CELSR1: variants seen among roughly 807,000 people sequenced by gnomAD.
CELSR1 encodes the protein adhesion G protein-coupled receptor C1.
In CELSR1, 110 loss-of-function variants were observed where a neutral mutation model predicts 249.1. The ratio of observed to expected loss-of-function variants is 0.44; its 90% confidence interval spans 0.38 to 0.52. The LOEUF is 0.52. CELSR1 is among the 20% of genes least tolerant of loss of function. The pLI is 0.00. For missense variants in CELSR1, 4,109 were observed against 4,296.4 expected, an observed-to-expected ratio of 0.96 and a Z score of 1.22; for synonymous variants, 2,113 against 1,900.0, an observed-to-expected ratio of 1.11 and a Z score of -2.92.
rs190078008 is a variant in CELSR1, at chr22:46,454,518, G to A, written c.4183+9189C>T. ...AGACTTCGAAGTCACGGGGAACGGC[G>A]TGTGCTTTAAACCACAGCGAGGTTT... On this transcript the variant is annotated intron_variant, in intron 2 of 34. Coordinates refer to ENST00000674500, the MANE Select transcript of CELSR1 (RefSeq NM_001378328.1). The surrounding 1 kb of genome is among the most constrained non-coding windows in gnomAD (Gnocchi z 5.1). Among the ~76,000 whole-genome samples the A allele has an allele frequency of 2.2e-3, 329 of 152,346 alleles. No individual in the cohort carries two copies. Among genetic ancestry groups the A allele is most frequent in the African/African-American group, 7.0e-3 (292 of 41,586 alleles).
chr22:46,432,695 G>T (rs1031304026), intron 5 of CELSR1, among the ~76,000 whole-genome samples: 2 of 152,302 alleles, frequency 1.3e-5, no homozygotes, highest in East Asian at 3.9e-4. Flanking sequence ...GTTCTGGCTC[G>T]CCAGTTACAT....
rs1210571711 is a variant in CELSR1, at chr22:46,440,672, C to T, written c.4184-1261G>A. Among the ~76,000 whole-genome samples the T allele has an allele frequency of 1.3e-5, 2 of 152,140 alleles. No individual in the cohort carries two copies. The highest frequency in any genetic ancestry group is 3.9e-4 in the East Asian group (2 of 5,192). On this transcript the variant is annotated intron_variant, in intron 2 of 34. Coordinates refer to ENST00000674500, the MANE Select transcript of CELSR1 (RefSeq NM_001378328.1). The surrounding 1 kb of genome is among the most constrained non-coding windows in gnomAD (Gnocchi z 4.7). Reference sequence around the variant, plus strand: ...TTTCTGCTGGGTTTTTGGTCCTGCTCTTATTGTGTTATAGAAGCTCCTCGT... The same window carrying T: ...TTTCTGCTGGGTTTTTGGTCCTGCTTTTATTGTGTTATAGAAGCTCCTCGT...
rs6007897 is a variant in CELSR1 at position 46,384,624 on chromosome 22, T to G, written c.6802A>C (p.Thr2268Pro). 1.2e-6 allele frequency: 2 copies of G among 1,613,448 alleles called. 1 individual carries two copies. Among genetic ancestry groups the G allele is most frequent in the Non-Finnish European group, 1.7e-6 (2 of 1,179,798 alleles). ...TCCCTGGGGAACTCTTCATGGATGG[T>G]GTCGAATCGCGGGACCCTGGCTCCC... ...FTGARVPRFD[T>P]IHEEFPRELE... The change falls in exon 20 of 35, where the codon ACC (threonine) becomes CCC (proline). Residue 2268 changes from threonine to proline, a missense_variant. Physicochemically the swap from Thr to Pro is conservative, Grantham distance 38 (BLOSUM62 -1). This residue lies in a region of CELSR1 where 1,805 missense variants were observed against 1,831.6 expected (regional missense o/e 0.99). Coordinates refer to ENST00000674500, the MANE Select transcript of CELSR1 (RefSeq NM_001378328.1).
At chr22:46,387,002 C>T (rs112248019) in intron 18 of CELSR1, among the ~76,000 whole-genome samples, 2 of 152,170 alleles carry the variant, frequency 1.3e-5, no homozygotes, top group African/African-American at 4.8e-5. Flanking sequence ...AGGTGATTCA[C>T]CTGCCTCGGC....
chr22:46,411,652 G>A lies in CELSR1; in HGVS notation c.4719C>T (p.Asp1573=), dbSNP rs1486400874. Residue 1573 remains aspartate, a synonymous_variant, in exon 6 of 35, where the codon GAC becomes GAT. Coordinates refer to ENST00000674500, the MANE Select transcript of CELSR1 (RefSeq NM_001378328.1). The surrounding 1 kb of genome is among the most constrained non-coding windows in gnomAD (Gnocchi z 4.2). ...GGGCAGCGCAGCTGTAGTTCCCGATGTCCTTTCCAAAGCGCACAGCCATGG... is the reference window on the plus strand; with the variant it reads ...GGGCAGCGCAGCTGTAGTTCCCGATATCCTTTCCAAAGCGCACAGCCATGG... ...DTTMAVRFGK[D]IGNYSCAAQG... The A allele has an allele frequency of 1.2e-6, 2 of 1,614,086 alleles. No homozygotes were observed. The highest frequency in any genetic ancestry group is 1.3e-5 in the African/African-American group (1 of 74,946).
intron 1 of CELSR1, among the ~76,000 whole-genome samples, chr22:46,476,331 C>T (rs1278473938): frequency 2.0e-5 from 3 of 152,132 alleles, no homozygotes. Context: ...CGCGGTGGCT[C>T]ATGCCTGTAA....
At chr22:46,478,863 G>A (rs1441811007) in intron 1 of CELSR1, among the ~76,000 whole-genome samples, 4 of 151,722 alleles carry the variant, frequency 2.6e-5, no homozygotes, top group African/African-American at 9.7e-5. Flanking sequence ...AAGATGAGAC[G>A]TCTTAGTAAA....
At chr22:46,492,276 T>C (rs1051548671) in intron 1 of CELSR1, among the ~76,000 whole-genome samples, 1 of 152,204 alleles carries the variant, frequency 6.6e-6, no homozygotes, top group African/African-American at 2.4e-5. Context: ...CCACTTCTCA[T>C]TGTAAAATTC....
intron 2 of CELSR1, among the ~76,000 whole-genome samples, chr22:46,459,316 T>TG (rs1005817799): frequency 3.9e-5 from 6 of 152,142 alleles, no homozygotes; most frequent in African/African-American, 1.4e-4. Flanking sequence ...AGGTTTCTTG[T>TG]GGGGAAGGAA....
chr22:46,500,770 C>T lies in CELSR1; in HGVS notation c.3544+32857G>A, dbSNP rs2080458071. 6.6e-6 allele frequency among the ~76,000 whole-genome samples: 1 copy of T among 152,134 alleles called. No homozygotes were observed. Among genetic ancestry groups the T allele is most frequent in the African/African-American group, 2.4e-5 (1 of 41,402 alleles). ...CAGAATGAAGCTCACCACCGTGTCCCCACAACTGGAGCTGCCCGGGAGGCC... is the reference window on the plus strand; with the variant it reads ...CAGAATGAAGCTCACCACCGTGTCCTCACAACTGGAGCTGCCCGGGAGGCC... On this transcript the variant is annotated intron_variant, in intron 1 of 34. Coordinates refer to ENST00000674500, the MANE Select transcript of CELSR1 (RefSeq NM_001378328.1). This position sits in a 1 kb window ranked among gnomAD's most constrained non-coding sequence, Gnocchi z 4.9.
chr22:46,394,817 G>C (rs2079130776), intron 13 of CELSR1, among the ~76,000 whole-genome samples: 1 of 152,200 alleles, frequency 6.6e-6, no homozygotes, highest in Non-Finnish European at 1.5e-5. Flanking sequence ...GCAGAAGCCA[G>C]TCCTGCCTCC....
intron 1 of CELSR1, among the ~76,000 whole-genome samples, chr22:46,509,563 C>T (rs1256279011): frequency 4.8e-5 from 1 of 21,010 alleles, no homozygotes. Flanking sequence ...GACCCCATTA[C>T]GTGGTAGGTA....
chr22:46,464,981 C>T lies in CELSR1; in HGVS notation c.3545-636G>A, dbSNP rs1024750345. Among the ~76,000 whole-genome samples the T allele has an allele frequency of 6.6e-6, 1 of 152,180 alleles. No homozygotes were observed. Among genetic ancestry groups the T allele is most frequent in the Non-Finnish European group, 1.5e-5 (1 of 68,032 alleles). ...GCACACAGGAGGGGCCGAGGAGCAC[C>T]GCTTTACAAAGACACACAGCAGCCT... On this transcript the variant is annotated intron_variant, in intron 1 of 34. Transcript: ENST00000674500. The surrounding 1 kb of genome is among the most constrained non-coding windows in gnomAD (Gnocchi z 8.5).
chr22:46,489,387 G>A (rs184648034), intron 1 of CELSR1, among the ~76,000 whole-genome samples: 55 of 151,582 alleles, frequency 3.6e-4, no homozygotes, highest in African/African-American at 1.0e-3. Context: ...ATTGCAATCC[G>A]TCACCACCGT....
intron 2 of CELSR1, among the ~76,000 whole-genome samples, chr22:46,462,335 G>A (rs1163571165): frequency 6.6e-6 from 1 of 152,124 alleles, no homozygotes; most frequent in Non-Finnish European, 1.5e-5. Flanking sequence ...AGTCAGAGCC[G>A]GGAGCACCCT....
chr22:46,505,061 G>C (rs1246577212), intron 1 of CELSR1, among the ~76,000 whole-genome samples: 1 of 152,056 alleles, frequency 6.6e-6, no homozygotes, highest in Non-Finnish European at 1.5e-5. Flanking sequence ...AGGAGATCGA[G>C]ACCATCCTGG....
intron 5 of CELSR1, among the ~76,000 whole-genome samples, chr22:46,414,050 C>CA (rs1157114051): frequency 3.9e-5 from 6 of 152,038 alleles, no homozygotes; most frequent in Non-Finnish European, 7.4e-5. Context: ...CGGATTCAAG[C>CA]AAAAAACAGC....
Position 46,471,359 on chromosome 22 carries a change from T to G in CELSR1, c.3545-7014A>C, listed in dbSNP as rs2080153410. ...GACCCCACACCCAGGCCCCTATTAGTTACGTTATTACATTAGCATGGTAGG... is the reference window on the plus strand; with the variant it reads ...GACCCCACACCCAGGCCCCTATTAGGTACGTTATTACATTAGCATGGTAGG... On this transcript the variant is annotated intron_variant, in intron 1 of 34. Transcript: ENST00000674500. The surrounding 1 kb of genome is among the most constrained non-coding windows in gnomAD (Gnocchi z 4.9). Among the ~76,000 whole-genome samples the G allele has an allele frequency of 2.6e-5, 4 of 152,210 alleles. No individual in the cohort carries two copies.
chr22:46,483,014 T>C (rs988355537), intron 1 of CELSR1, among the ~76,000 whole-genome samples: 1 of 152,192 alleles, frequency 6.6e-6, no homozygotes, highest in African/African-American at 2.4e-5. Flanking sequence ...GCCACTCAGC[T>C]GTCTACATAA....
Sources: allele counts gnomAD v4.1 joint callset (sites outside exome capture counted in the v4.1 genomes callset), GRCh38; gene constraint gnomAD v4.1.1; regional missense constraint gnomAD v4.1.1; non-coding constraint Gnocchi (gnomAD v3.1); transcripts MANE v1.5; gene names NCBI Gene and HGNC (gene_info 2026-07-23, HGNC 2026-07-21).